The following RTTN variants were observed in gnomAD, a reference collection of about 807,000 sequenced individuals.
The protein encoded by RTTN is rotatin.
Under a neutral mutation model 269.2 loss-of-function variants are expected in RTTN, and 182 were observed. The ratio of observed to expected loss-of-function variants is 0.68; its 90% CI spans 0.60 to 0.76. RTTN has a LOEUF of 0.76. RTTN is among the 30% of genes least tolerant of loss of function. The pLI is 0.00. For synonymous variants in RTTN, 1,006 were observed against 963.5 expected, an observed-to-expected ratio of 1.04 and a Z score of -0.82; for missense variants, 2,545 against 2,608.6, an observed-to-expected ratio of 0.98 and a Z score of 0.53.
At chr18:70,114,336 G>T (rs1022289918) in intron 27 of RTTN, 109 bp downstream of exon 27, 1 of 1,029,596 alleles carries the variant, frequency 9.7e-7, no homozygotes, top group Non-Finnish European at 1.4e-6. Context: ...TTAAGTATTT[G>T]AAAGAAGTAT....
At chr18:70,060,402 G>C (rs1479003678) in intron 35 of RTTN, among the ~76,000 whole-genome samples, 1 of 152,126 alleles carries the variant, frequency 6.6e-6, no homozygotes, top group African/African-American at 2.4e-5. Flanking sequence ...CCAAAGGTGT[G>C]TCCAAATTCA....
chr18:70,101,197 A>G (rs1346993041), intron 28 of RTTN, among the ~76,000 whole-genome samples: 3 of 152,170 alleles, frequency 2.0e-5, no homozygotes, highest in Non-Finnish European at 2.9e-5. Flanking sequence ...CTGTGAATCC[A>G]TCTGGTCCTG....
At chr18:70,160,516 A>G (rs927062464) in intron 14 of RTTN, among the ~76,000 whole-genome samples, 13 of 152,140 alleles carry the variant, frequency 8.5e-5, no homozygotes, top group African/African-American at 2.7e-4. Flanking sequence ...AACCAGAACA[A>G]GACAAAGATG....
At chr18:70,196,704 A>T in intron 6 of RTTN, 56 bp from the exon 7 acceptor site, 1 of 1,534,514 alleles carries the variant, frequency 6.5e-7, no homozygotes, top group East Asian at 2.3e-5. Context: ...TCAACTTCAA[A>T]GCAGAATGTG....
chr18:70,150,843 G>T (rs538396091), intron 14 of RTTN, 110 bp from the exon 15 acceptor site: 5 of 803,194 alleles, frequency 6.2e-6, no homozygotes, highest in Non-Finnish European at 7.6e-6. Flanking sequence ...TTACTTCATT[G>T]AAACTTTTTT....
At position 70,067,406 on chromosome 18, in the gene RTTN, G is replaced by A. The variant is rs891422373; in HGVS notation, c.4654-1484C>T. Among the ~76,000 whole-genome samples the A allele has an allele frequency of 6.0e-4, 91 of 152,240 alleles. 1 individual carries two copies. Among genetic ancestry groups the A allele is most frequent in the African/African-American group, 1.5e-3 (61 of 41,556 alleles). ...GATCTCCTGACCTCGTGATCCGCCC[G>A]CCTCTGCCTCCCAAAGTGCTGGGAT... is the stretch of plus-strand genomic sequence containing the variant. On this transcript the variant is annotated intron_variant, in intron 34 of 48. Transcript: ENST00000640769.
chr18:70,151,219 AT>A lies in RTTN; in HGVS notation c.1930-487del, dbSNP rs557040863. Reference sequence around the variant, plus strand: ...ATATATAATATACCTATTATATATAATTTTTTATGCTACATATTTATGTCCT... The same window carrying A: ...ATATATAATATACCTATTATATATAATTTTTATGCTACATATTTATGTCCT... On this transcript the variant is annotated intron_variant, in intron 14 of 48. Transcript: ENST00000640769. Among the ~76,000 whole-genome samples the A allele has an allele frequency of 5.1e-3, 755 of 148,120 alleles. 6 individuals are homozygous for A. The highest frequency in any genetic ancestry group is 0.017 in the African/African-American group (710 of 40,858).
intron 14 of RTTN, among the ~76,000 whole-genome samples, chr18:70,163,523 C>A (rs1052422655): frequency 6.6e-6 from 1 of 152,130 alleles, no homozygotes; most frequent in Non-Finnish European, 1.5e-5. Flanking sequence ...CACAGAATTA[C>A]TGTGTGATCT....
chr18:70,026,813 A>G (rs1055837041), intron 43 of RTTN, among the ~76,000 whole-genome samples: 1 of 152,096 alleles, frequency 6.6e-6, no homozygotes, highest in African/African-American at 2.4e-5. Flanking sequence ...CCATCTACAC[A>G]TTGATAACTC....
intron 11 of RTTN, among the ~76,000 whole-genome samples, chr18:70,176,194 GATGTAGATGTAT>G (rs1258534049): frequency 0.026 from 3,739 of 142,880 alleles, 109 homozygotes; most frequent in African/African-American, 0.063. Context: ...CGTAGATGTA[GATGTAGATGTAT>G]ATGTATATGT....
intron 32 of RTTN, 107 bp downstream of exon 32, chr18:70,086,506 T>C: frequency 1.1e-6 from 1 of 918,756 alleles, no homozygotes; most frequent in Non-Finnish European, 1.7e-6. Flanking sequence ...GCCCTTGCTG[T>C]CTTGTATATA....
intron 9 of RTTN, among the ~76,000 whole-genome samples, chr18:70,188,689 G>A (rs1299383209): frequency 1.3e-5 from 2 of 152,116 alleles, no homozygotes; most frequent in African/African-American, 4.8e-5. Flanking sequence ...AGCAACTAAA[G>A]GAATAAATGA....
In RTTN at chr18:70,058,834, T is replaced by G. The variant is rs181678488; in HGVS notation, c.4941-1002A>C. Among the ~76,000 whole-genome samples, 20 of 152,300 alleles carry G rather than the reference T, an allele frequency of 1.3e-4. No homozygotes were observed. In the East Asian group the frequency reaches 3.9e-3, roughly 29 times the overall value. On this transcript the variant is annotated intron_variant, in intron 36 of 48. Transcript: ENST00000640769. ...AATAAATATTAAAGCCAGAACAAAC[T>G]CATACTCCATTGCGTATCATACATG...
intron 14 of RTTN, among the ~76,000 whole-genome samples, chr18:70,155,751 C>T (rs1020503848): frequency 1.4e-4 from 21 of 152,164 alleles, no homozygotes; most frequent in Admixed American, 3.3e-4. Flanking sequence ...ACGGAGGGAC[C>T]GGCTGAAGCC....
intron 34 of RTTN, among the ~76,000 whole-genome samples, chr18:70,067,117 T>C (rs1428019645): frequency 6.6e-6 from 1 of 151,868 alleles, no homozygotes; most frequent in East Asian, 1.9e-4. Context: ...TTATTTTATA[T>C]AGTATTAGAT....
intron 36 of RTTN, among the ~76,000 whole-genome samples, chr18:70,058,397 A>G (rs1050660205): frequency 1.3e-5 from 2 of 152,156 alleles, no homozygotes; most frequent in Non-Finnish European, 2.9e-5. Flanking sequence ...AGATGCCTGT[A>G]ATCCCAGCTA....
intron 32 of RTTN, among the ~76,000 whole-genome samples, chr18:70,080,623 G>A (rs1239524149): frequency 6.6e-6 from 1 of 152,094 alleles, no homozygotes; most frequent in African/African-American, 2.4e-5. Flanking sequence ...AATAAACATA[G>A]AAAGAAATGA....
chr18:70,073,007 TC>T (rs1220497564), intron 34 of RTTN, among the ~76,000 whole-genome samples: 2 of 152,164 alleles, frequency 1.3e-5, no homozygotes, highest in African/African-American at 4.8e-5. Context: ...AAAGTATCAG[TC>T]TTTTGAGAAA....
intron 40 of RTTN, among the ~76,000 whole-genome samples, chr18:70,034,213 C>A (rs981259861): frequency 6.6e-6 from 1 of 152,102 alleles, no homozygotes; most frequent in Non-Finnish European, 1.5e-5. Flanking sequence ...TTCTATGAGG[C>A]TAGCATCATC....
Sources: gnomAD v4.1 joint callset for allele counts (sites outside exome capture counted in the v4.1 genomes callset) on GRCh38, gnomAD v4.1.1 for gene constraint, MANE v1.5 for transcripts, NCBI Gene and HGNC (gene_info 2026-07-23, HGNC 2026-07-21) for gene names.